The following PTPRD variants were observed in gnomAD, a reference collection of about 807,000 sequenced individuals.
PTPRD encodes the protein receptor-type tyrosine-protein phosphatase delta.
Under a neutral mutation model 214.5 loss-of-function variants are expected in PTPRD, and 34 were observed. The ratio of observed to expected loss-of-function variants is 0.16; its 90% CI spans 0.12 to 0.21. The LOEUF is 0.21. Ranked by LOEUF, PTPRD falls within the 10% of genes least tolerant of loss-of-function variation. The probability of loss-of-function intolerance (pLI) is 1.00; values close to 1 mark genes in which losing one functional copy is unlikely to be tolerated. For missense variants in PTPRD, 2,545 were observed against 2,398.7 expected, an observed-to-expected ratio of 1.06 and a Z score of -1.27; for synonymous variants, 1,128 against 845.7, an observed-to-expected ratio of 1.33 and a Z score of -5.79.
intron 9 of PTPRD, among the ~76,000 whole-genome samples, chr9:9,203,136 A>T (rs2099942850): frequency 6.6e-6 from 1 of 152,136 alleles, no homozygotes; most frequent in Non-Finnish European, 1.5e-5. Flanking sequence ...AGGCTGAGGC[A>T]GGAGAATCAC....
intron 11 of PTPRD, among the ~76,000 whole-genome samples, chr9:8,782,847 G>A (rs897028436): frequency 6.6e-6 from 1 of 151,896 alleles, no homozygotes; most frequent in Non-Finnish European, 1.5e-5. Context: ...GCCCTCCTTG[G>A]CCCCCCGCAA....
chr9:8,834,596 G>A (rs1386531819), intron 11 of PTPRD, among the ~76,000 whole-genome samples: 3 of 152,100 alleles, frequency 2.0e-5, no homozygotes, highest in African/African-American at 7.2e-5. Flanking sequence ...AGGCATACTA[G>A]TCTTTAAAAG....
At chr9:9,526,376 C>T (rs974970983) in intron 8 of PTPRD, among the ~76,000 whole-genome samples, 2 of 152,170 alleles carry the variant, frequency 1.3e-5, no homozygotes, top group African/African-American at 4.8e-5. Flanking sequence ...TGCCTACCCA[C>T]ATGTTACGTA....
intron 6 of PTPRD, among the ~76,000 whole-genome samples, chr9:9,742,119 CATT>C (rs2098409922): frequency 1.3e-5 from 2 of 152,150 alleles, no homozygotes; most frequent in South Asian, 4.1e-4. Flanking sequence ...AATGGTATCT[CATT>C]GTGGTTTTGA....
At chr9:8,863,001 G>C (rs1308934927) in intron 11 of PTPRD, among the ~76,000 whole-genome samples, 1 of 152,072 alleles carries the variant, frequency 6.6e-6, no homozygotes, top group African/African-American at 2.4e-5. Context: ...CACCAGCATG[G>C]CACATGTATA....
intron 5 of PTPRD, among the ~76,000 whole-genome samples, chr9:9,889,282 A>G (rs925024418): frequency 6.6e-6 from 1 of 152,166 alleles, no homozygotes; most frequent in Non-Finnish European, 1.5e-5. Context: ...CACCACAAAA[A>G]TGGTAACTCT....
At chr9:10,067,041 G>A (rs2154175535) in intron 3 of PTPRD, among the ~76,000 whole-genome samples, 1 of 151,926 alleles carries the variant, frequency 6.6e-6, no homozygotes, top group South Asian at 2.1e-4. Context: ...AAGAAACTTG[G>A]GCATTTGGCC....
intron 2 of PTPRD, among the ~76,000 whole-genome samples, chr9:10,563,300 G>T (rs1321919978): frequency 2.0e-5 from 3 of 152,128 alleles, no homozygotes; most frequent in Non-Finnish European, 4.4e-5. Context: ...TTATGAAGGT[G>T]TAAGTTCTAA....
At chr9:9,136,831 G>A (rs529802939) in intron 10 of PTPRD, among the ~76,000 whole-genome samples, 5 of 152,196 alleles carry the variant, frequency 3.3e-5, no homozygotes, top group Non-Finnish European at 7.4e-5. Context: ...AAGAATTTTG[G>A]AAGTAAAATA....
At chr9:10,123,723 G>C (rs899396969) in intron 3 of PTPRD, among the ~76,000 whole-genome samples, 7 of 152,188 alleles carry the variant, frequency 4.6e-5, no homozygotes, top group African/African-American at 1.7e-4. Context: ...TTCTACCTTG[G>C]AATAGTGAAT....
chr9:9,518,218 A>G (rs998779826), intron 8 of PTPRD, among the ~76,000 whole-genome samples: 1 of 152,076 alleles, frequency 6.6e-6, no homozygotes, highest in Non-Finnish European at 1.5e-5. Context: ...ATCATAAAGT[A>G]TAAGTTAGAG....
chr9:8,620,699 T>C (rs888123538), intron 14 of PTPRD, among the ~76,000 whole-genome samples: 11 of 152,002 alleles, frequency 7.2e-5, no homozygotes, highest in Admixed American at 7.2e-4. Context: ...GCCTGTGTAG[T>C]ATTGTATGTT....
chr9:9,824,319 A>C (rs979588376), intron 5 of PTPRD, among the ~76,000 whole-genome samples: 1 of 151,966 alleles, frequency 6.6e-6, no homozygotes, highest in African/African-American at 2.4e-5. Flanking sequence ...TTATGACTGA[A>C]ATTTATTTTA....
chr9:9,226,464 T>C (rs1327552692), intron 9 of PTPRD, among the ~76,000 whole-genome samples: 1 of 151,970 alleles, frequency 6.6e-6, no homozygotes, highest in East Asian at 1.9e-4. Flanking sequence ...ATGATAAAAC[T>C]CAGCCCAGGG....
At chr9:10,465,854 C>A (rs780476115) in intron 2 of PTPRD, among the ~76,000 whole-genome samples, 5 of 152,228 alleles carry the variant, frequency 3.3e-5, no homozygotes, top group African/African-American at 1.2e-4. Context: ...TGTTAAGCAG[C>A]GCATGACTGT....
intron 3 of PTPRD, among the ~76,000 whole-genome samples, chr9:10,075,524 C>T (rs2098118613): frequency 6.6e-6 from 1 of 151,606 alleles, no homozygotes; most frequent in Admixed American, 6.6e-5. Context: ...ATTAATCCAT[C>T]ATGTATTTAT....
Position 10,329,951 on chromosome 9 carries a change from C to A in PTPRD, c.-545+11012G>T, listed in dbSNP as rs534239047. Reference sequence around the variant, plus strand: ...ACATTTCTTTATATTTTAAATAATACAGAAAAATCTTTTATAGATATTTGA... The same window carrying A: ...ACATTTCTTTATATTTTAAATAATAAAGAAAAATCTTTTATAGATATTTGA... On this transcript the variant is annotated intron_variant, in intron 3 of 45. Transcript: ENST00000381196. Among the ~76,000 whole-genome samples, 331 of 151,810 alleles carry A rather than the reference C, an allele frequency of 2.2e-3. 1 individual carries two copies. Among genetic ancestry groups the A allele is most frequent in the African/African-American group, 7.3e-3 (304 of 41,492 alleles).
At position 10,600,537 on chromosome 9, in the gene PTPRD, A is replaced by G. The variant is rs746066910; in HGVS notation, c.-600+11861T>C. 3.4e-4 allele frequency among the ~76,000 whole-genome samples: 51 copies of G among 151,814 alleles called. 1 individual carries two copies. Among genetic ancestry groups the G allele is most frequent in the Non-Finnish European group, 1.8e-4 (12 of 67,842 alleles). ...AACAAAGTACATGTCTACAGAGGCCAGGCTAAGTAAGAAACTCACACAGCT... is the reference window on the plus strand; with the variant it reads ...AACAAAGTACATGTCTACAGAGGCCGGGCTAAGTAAGAAACTCACACAGCT... On this transcript the variant is annotated intron_variant, in intron 2 of 45. Transcript: ENST00000381196.
At chr9:9,674,164 T>C (rs1006397327) in intron 7 of PTPRD, among the ~76,000 whole-genome samples, 4 of 151,714 alleles carry the variant, frequency 2.6e-5, no homozygotes, top group African/African-American at 9.7e-5. Context: ...TGAACAAAAG[T>C]AAAAACTAAA....
Sources: allele counts gnomAD v4.1 joint callset (sites outside exome capture counted in the v4.1 genomes callset), GRCh38; gene constraint gnomAD v4.1.1; transcripts MANE v1.5; gene names NCBI Gene and HGNC (gene_info 2026-07-23, HGNC 2026-07-21).